The following BIN3 variants were observed in gnomAD, a reference collection of about 807,000 sequenced individuals.
BIN3 encodes bridging integrator 3.
Under a neutral mutation model 38.2 loss-of-function variants are expected in BIN3, and 41 were observed. The ratio of observed to expected loss-of-function variants is 1.07; its 90% CI spans 0.84 to 1.39. The LOEUF (loss-of-function observed/expected upper bound fraction) is 1.39, where lower values mean the gene tolerates loss of function less well. Among genes scored for constraint, BIN3 ranks in the 40% most tolerant of loss-of-function variants. The probability of loss-of-function intolerance (pLI) is 0.00; values close to 1 mark genes in which losing one functional copy is unlikely to be tolerated. For synonymous variants in BIN3, 145 were observed against 122.6 expected, an observed-to-expected ratio of 1.18 and a Z score of -1.21; for missense variants, 361 against 324.3, an observed-to-expected ratio of 1.11 and a Z score of -0.87.
At chr8:22,632,454 G>A (rs1472537612) in intron 4 of BIN3, among the ~76,000 whole-genome samples, 2 of 152,210 alleles carry the variant, frequency 1.3e-5, no homozygotes, top group African/African-American at 2.4e-5. Context: ...AAACTTTCCA[G>A]AAATGTTGAA....
In BIN3 at chr8:22,621,469, C is replaced by T; in HGVS notation, c.715G>A (p.Ala239Thr). The change falls in exon 9 of 9, where the codon GCC (alanine) becomes ACC (threonine). Residue 239 changes from alanine to threonine, a missense_variant. Transcript: ENST00000276416. Reference sequence around the variant, plus strand: ...AGGGCCCGGAGCTCACTGAGTTTGGCCTCGTTCTCCCGCTCCCGCTGCTCA... The same window carrying T: ...AGGGCCCGGAGCTCACTGAGTTTGGTCTCGTTCTCCCGCTCCCGCTGCTCA... Reference protein sequence around the residue: ...SDEQRERENEAKLSELRALSI... With the variant: ...SDEQRERENETKLSELRALSI... 1.9e-6 allele frequency: 3 copies of T among 1,613,860 alleles called. No individual in the cohort carries two copies. The highest frequency in any genetic ancestry group is 2.5e-6 in the Non-Finnish European group (3 of 1,179,884).
intron 6 of BIN3, among the ~76,000 whole-genome samples, chr8:22,627,825 A>G (rs926518569): frequency 3.6e-4 from 55 of 152,244 alleles, no homozygotes; most frequent in African/African-American, 1.3e-3. Context: ...GCCCCGCTCC[A>G]TGGTCCTGCA....
At chr8:22,635,563 G>A (rs566551709) in intron 4 of BIN3, among the ~76,000 whole-genome samples, 9 of 152,226 alleles carry the variant, frequency 5.9e-5, no homozygotes, top group African/African-American at 1.9e-4. Context: ...TGACAGGAGC[G>A]GACACCCCGA....
intron 4 of BIN3, 37 bp from the exon 5 acceptor site, chr8:22,630,615 G>A (rs1410856380): frequency 1.1e-5 from 17 of 1,611,330 alleles, no homozygotes; most frequent in African/African-American, 1.3e-5. Context: ...CTTCTATGAA[G>A]GGGCAGGTTT....
intron 4 of BIN3, among the ~76,000 whole-genome samples, chr8:22,631,111 C>T (rs1346856454): frequency 3.3e-5 from 5 of 152,078 alleles, no homozygotes; most frequent in African/African-American, 9.7e-5. Context: ...AAACTGCCAG[C>T]GACAACACAT....
At chr8:22,649,696 C>CCAAAAA (rs923487201) in intron 1 of BIN3, among the ~76,000 whole-genome samples, 2 of 151,426 alleles carry the variant, frequency 1.3e-5, no homozygotes, top group Admixed American at 6.6e-5. Flanking sequence ...TTCAAATAAA[C>CCAAAAA]CAAAAACAAA....
chr8:22,628,931 G>T (rs916601253), intron 6 of BIN3, among the ~76,000 whole-genome samples: 4 of 152,238 alleles, frequency 2.6e-5, no homozygotes, highest in African/African-American at 9.6e-5. Flanking sequence ...CCAGCAGGCA[G>T]GGGGTGGTGG....
intron 6 of BIN3, chr8:22,625,963 G>T: frequency 6.5e-6 from 1 of 152,902 alleles, no homozygotes; most frequent in Non-Finnish European, 1.5e-5. Context: ...GGGAGTAAGA[G>T]GATATTAACT....
intron 1 of BIN3, among the ~76,000 whole-genome samples, chr8:22,661,643 C>A (rs1341569245): frequency 6.6e-6 from 1 of 151,852 alleles, no homozygotes; most frequent in African/African-American, 2.4e-5. Flanking sequence ...CAGGTGTCAG[C>A]CACCGTGCCC....
At chr8:22,664,740 G>C (rs1803357411) in intron 1 of BIN3, among the ~76,000 whole-genome samples, 1 of 152,250 alleles carries the variant, frequency 6.6e-6, no homozygotes, top group African/African-American at 2.4e-5. Flanking sequence ...ATTCTAGTAA[G>C]TTACCAAGGG....
At chr8:22,644,391 G>T (rs1469056723) in intron 2 of BIN3, among the ~76,000 whole-genome samples, 1 of 152,216 alleles carries the variant, frequency 6.6e-6, no homozygotes, top group Non-Finnish European at 1.5e-5. Flanking sequence ...TAAATGCCTG[G>T]GCAGTGTCTT....
chr8:22,623,723 C>T (rs918267271), intron 8 of BIN3, among the ~76,000 whole-genome samples, 192 bp downstream of exon 8: 2 of 152,216 alleles, frequency 1.3e-5, no homozygotes, highest in African/African-American at 4.8e-5. Context: ...TGTGAGGAGT[C>T]TAACAGCAGA....
At chr8:22,651,816 A>T (rs1563975830) in intron 1 of BIN3, among the ~76,000 whole-genome samples, 1 of 152,206 alleles carries the variant, frequency 6.6e-6, no homozygotes, top group Admixed American at 6.5e-5. Context: ...TACTCACAGG[A>T]CTGTTTCAAT....
intron 2 of BIN3, among the ~76,000 whole-genome samples, chr8:22,638,308 C>T (rs1423542402): frequency 3.9e-5 from 6 of 152,236 alleles, no homozygotes; most frequent in Non-Finnish European, 8.8e-5. Flanking sequence ...AGCATTTATG[C>T]TACAAATGAG....
intron 4 of BIN3, 52 bp downstream of exon 4, chr8:22,636,473 C>T: frequency 2.6e-6 from 4 of 1,536,904 alleles, no homozygotes; most frequent in Middle Eastern, 1.7e-4. Flanking sequence ...AGGAGGGTGC[C>T]CACCTCTGCC....
At chr8:22,636,717 T>G in intron 3 of BIN3, 131 bp from the exon 4 acceptor site, 9 of 1,083,714 alleles carry the variant, frequency 8.3e-6, no homozygotes, top group Non-Finnish European at 1.2e-5. Flanking sequence ...TCCCGCTGAC[T>G]GAAGTGCCAC....
chr8:22,644,190 C>T (rs1802647563), intron 2 of BIN3, among the ~76,000 whole-genome samples: 1 of 152,240 alleles, frequency 6.6e-6, no homozygotes, highest in Non-Finnish European at 1.5e-5. Flanking sequence ...TGATTCTCTT[C>T]CTTTCCCATT....
At chr8:22,644,487 A>G in intron 2 of BIN3, 1 of 446,140 alleles carries the variant, frequency 2.2e-6, no homozygotes, top group Non-Finnish European at 4.2e-6. Context: ...CTAAAGCAAT[A>G]TCTTCCTCTA....
At chr8:22,641,264 C>T (rs1480277461) in intron 2 of BIN3, among the ~76,000 whole-genome samples, 1 of 152,202 alleles carries the variant, frequency 6.6e-6, no homozygotes, top group Non-Finnish European at 1.5e-5. Flanking sequence ...GCGAGGTTAG[C>T]TCAGGGAGAA....
Sources: allele counts gnomAD v4.1 joint callset (sites outside exome capture counted in the v4.1 genomes callset), GRCh38; gene constraint gnomAD v4.1.1; transcripts MANE v1.5; gene names NCBI Gene and HGNC (gene_info 2026-07-23, HGNC 2026-07-21).